RBMS3: variants seen among roughly 807,000 people sequenced by gnomAD.
RBMS3 encodes RNA-binding motif, single-stranded-interacting protein 3.
A neutral mutation model predicts 66.8 loss-of-function variants in RBMS3; 27 were observed. That is an observed-to-expected ratio of 0.40 (90% CI 0.30 to 0.56). The LOEUF (loss-of-function observed/expected upper bound fraction) is 0.56. Among genes scored for constraint, RBMS3 ranks in the 20% least tolerant of loss-of-function variants. RBMS3 has a pLI of 0.40. For missense variants in RBMS3, 513 were observed against 549.5 expected (o/e 0.93, Z 0.66); for synonymous variants, 188 against 183.0 (o/e 1.03, Z -0.22).
chr3:29,294,383 C>A (rs1192077861), intron 1 of RBMS3, among the ~76,000 whole-genome samples: 2 of 151,326 alleles, frequency 1.3e-5, no homozygotes, highest in African/African-American at 4.9e-5. Flanking sequence ...GGGTTACATT[C>A]CTAACTAATG....
intron 1 of RBMS3, among the ~76,000 whole-genome samples, chr3:29,424,715 A>G (rs976544018): frequency 5.9e-5 from 9 of 152,166 alleles, no homozygotes; most frequent in Admixed American, 5.9e-4. Flanking sequence ...TTGTATTTCC[A>G]TTACTGACAG....
intron 9 of RBMS3, 73 bp from the exon 10 acceptor site, chr3:29,899,632 T>G (rs1469200555): frequency 7.3e-7 from 1 of 1,360,788 alleles, no homozygotes; most frequent in East Asian, 2.4e-5. Flanking sequence ...TGACCTAGTG[T>G]GACTCCACTG....
chr3:29,466,845 T>C (rs1416219692), intron 2 of RBMS3, among the ~76,000 whole-genome samples: 1 of 152,174 alleles, frequency 6.6e-6, no homozygotes, highest in East Asian at 1.9e-4. Context: ...TAACTCTCTA[T>C]GCAGTTTGAA....
chr3:29,322,323 GT>G (rs2035056808), intron 1 of RBMS3, among the ~76,000 whole-genome samples: 1 of 151,830 alleles, frequency 6.6e-6, no homozygotes, highest in Non-Finnish European at 1.5e-5. Flanking sequence ...TTTTGTGTTT[GT>G]TTTTAATTTA....
intron 4 of RBMS3, among the ~76,000 whole-genome samples, chr3:29,701,655 G>A (rs542854364): frequency 2.2e-4 from 33 of 152,246 alleles, no homozygotes; most frequent in Admixed American, 5.9e-4. Flanking sequence ...TGGGCTGGGC[G>A]GGCCCGCACT....
chr3:29,775,859 TAA>T (rs1009242103), intron 6 of RBMS3, among the ~76,000 whole-genome samples: 6 of 152,006 alleles, frequency 3.9e-5, no homozygotes, highest in East Asian at 3.9e-4. Flanking sequence ...TCAGAAATAG[TAA>T]AGTCTCCTAT....
intron 3 of RBMS3, among the ~76,000 whole-genome samples, chr3:29,517,032 G>A (rs1352122180): frequency 1.3e-5 from 2 of 151,950 alleles, no homozygotes; most frequent in Admixed American, 6.6e-5. Context: ...GGGCAACATA[G>A]TGAAACCGAT....
intron 7 of RBMS3, among the ~76,000 whole-genome samples, chr3:29,877,722 G>A (rs2059640716): frequency 6.6e-6 from 1 of 152,138 alleles, no homozygotes; most frequent in Admixed American, 6.5e-5. Flanking sequence ...AAACCATTCA[G>A]TAGTCTCCTG....
At chr3:29,682,198 C>T (rs1008195044) in intron 4 of RBMS3, among the ~76,000 whole-genome samples, 4 of 152,274 alleles carry the variant, frequency 2.6e-5, no homozygotes, top group Non-Finnish European at 4.4e-5. Flanking sequence ...CAGGCTGGAG[C>T]GCAATGGTGC....
intron 4 of RBMS3, among the ~76,000 whole-genome samples, chr3:29,730,668 A>C (rs1289695052): frequency 6.6e-6 from 1 of 152,158 alleles, no homozygotes; most frequent in Non-Finnish European, 1.5e-5. Flanking sequence ...CAGGTGGATA[A>C]AATAGACATT....
At chr3:29,651,612 A>C (rs531428688) in intron 4 of RBMS3, among the ~76,000 whole-genome samples, 37 of 152,290 alleles carry the variant, frequency 2.4e-4, no homozygotes, top group African/African-American at 8.9e-4. Flanking sequence ...TTTTTTATTG[A>C]AAGTTGGTTA....
chr3:29,966,761 T>C (rs1414416092), intron 12 of RBMS3, among the ~76,000 whole-genome samples: 3 of 152,190 alleles, frequency 2.0e-5, no homozygotes, highest in African/African-American at 7.2e-5. Flanking sequence ...GGCATCCTTG[T>C]CTTGTTCCAG....
At chr3:29,550,534 G>A (rs893196827) in intron 3 of RBMS3, among the ~76,000 whole-genome samples, 17 of 151,962 alleles carry the variant, frequency 1.1e-4, no homozygotes, top group East Asian at 1.9e-4. Context: ...AAATAATTCA[G>A]CGTATAGTGT....
chr3:29,904,689 T>C (rs13097499), intron 10 of RBMS3, among the ~76,000 whole-genome samples: 1,541 of 152,184 alleles, frequency 0.01, 7 homozygotes, highest in East Asian at 0.03. Flanking sequence ...TAGCAGTTTT[T>C]CTTTCTCCAT....
chr3:29,448,116 G>A (rs4334600), intron 2 of RBMS3, among the ~76,000 whole-genome samples: 141,711 of 152,314 alleles, frequency 0.93, 65,961 homozygotes, highest in African/African-American at 0.95. Context: ...ACACAGAACA[G>A]TGGTGCAATT....
rs972048121 is a variant in RBMS3, at chr3:29,485,050, C to G, written c.249-3391C>G. On this transcript the variant is annotated intron_variant, in intron 2 of 14. Transcript: ENST00000383767. ...TTGAAGGATCCCACCAATTTGATGT[C>G]TTCATAATTCATGAAGAGTAGACCC... 6.6e-5 allele frequency among the ~76,000 whole-genome samples: 10 copies of G among 152,234 alleles called. No individual in the cohort carries two copies. In the East Asian group the frequency reaches 1.7e-3, roughly 26 times the overall value.
chr3:29,503,416 C>A (rs1001084732), intron 3 of RBMS3, among the ~76,000 whole-genome samples: 1 of 152,030 alleles, frequency 6.6e-6, no homozygotes, highest in Admixed American at 6.6e-5. Flanking sequence ...CAGCTATATT[C>A]AAGCACATGC....
At chr3:29,988,324 G>C (rs1179856337) in intron 13 of RBMS3, 101 bp downstream of exon 13, 2 of 910,356 alleles carry the variant, frequency 2.2e-6, no homozygotes, top group Non-Finnish European at 3.4e-6. Context: ...TGCAATTTTT[G>C]TGCTACTCTA....
At chr3:29,446,168 G>T (rs1022071742) in intron 2 of RBMS3, among the ~76,000 whole-genome samples, 1 of 152,104 alleles carries the variant, frequency 6.6e-6, no homozygotes, top group South Asian at 2.1e-4. Context: ...TCCATTGTGG[G>T]TTCTAATTGA....
Sources: gnomAD v4.1 joint callset for allele counts (sites outside exome capture counted in the v4.1 genomes callset) on GRCh38, gnomAD v4.1.1 for gene constraint, MANE v1.5 for transcripts, NCBI Gene and HGNC (gene_info 2026-07-23, HGNC 2026-07-21) for gene names.